Variants in GALNT13 observed in about 807,000 individuals in gnomAD.
GALNT13 encodes the protein UDP-GalNAc:polypeptide N-acetylgalactosaminyltransferase 13.
In GALNT13, 28 loss-of-function variants were observed where a neutral mutation model predicts 64.2. The observed-to-expected ratio is 0.44, with a 90% confidence interval of 0.32 to 0.60. The LOEUF is 0.60. Among genes scored for constraint, GALNT13 ranks in the 20% least tolerant of loss-of-function variants. GALNT13 has a pLI of 0.05. For synonymous variants in GALNT13, 214 were observed against 224.6 expected, an observed-to-expected ratio of 0.95 and a Z score of 0.42; for missense variants, 577 against 669.8, an observed-to-expected ratio of 0.86 and a Z score of 1.53.
chr2:154,249,025 C>T (rs1689931792), intron 7 of GALNT13, among the ~76,000 whole-genome samples: 1 of 152,106 alleles, frequency 6.6e-6, no homozygotes, highest in South Asian at 2.1e-4. Flanking sequence ...CATATCACCC[C>T]TGTATAACTA....
intron 11 of GALNT13, chr2:154,436,179 T>A (rs920966239): frequency 1.3e-4 from 20 of 152,144 alleles, no homozygotes; most frequent in African/African-American, 4.8e-4. Flanking sequence ...CTGTTAATTT[T>A]TTTTCAAGTA....
intron 8 of GALNT13, among the ~76,000 whole-genome samples, chr2:154,280,345 G>A (rs1194438773): frequency 6.6e-6 from 1 of 152,086 alleles, no homozygotes; most frequent in Non-Finnish European, 1.5e-5. Context: ...CCAGAGCCCA[G>A]CATTGTGCTT....
At chr2:153,700,556 C>T in the GALNT13 span, among the ~76,000 whole-genome samples, 1 of 152,158 alleles carries the variant, frequency 6.6e-6, no homozygotes, top group South Asian at 2.1e-4. Flanking sequence ...CAAATTGTCT[C>T]TGTTTACAGA....
At chr2:153,232,915 A>T in the GALNT13 span, among the ~76,000 whole-genome samples, 1 of 152,112 alleles carries the variant, frequency 6.6e-6, no homozygotes, top group African/African-American at 2.4e-5. Context: ...GCTCCCATCC[A>T]TTATGTCTCT....
At chr2:154,360,011 T>C (rs1167731956) in intron 9 of GALNT13, among the ~76,000 whole-genome samples, 2 of 152,248 alleles carry the variant, frequency 1.3e-5, no homozygotes, top group Non-Finnish European at 2.9e-5. Context: ...AAGACAATAT[T>C]ATGTCTAAGA....
At chr2:153,397,110 ATAGT>A in the GALNT13 span, among the ~76,000 whole-genome samples, 2 of 152,284 alleles carry the variant, frequency 1.3e-5, 1 homozygote, top group East Asian at 3.9e-4. Flanking sequence ...CTATAAGTAT[ATAGT>A]TAGTTATATT....
At chr2:154,110,097 A>ATCAGGTTT (rs1702850780) in intron 3 of GALNT13, among the ~76,000 whole-genome samples, 1 of 151,568 alleles carries the variant, frequency 6.6e-6, no homozygotes, top group Non-Finnish European at 1.5e-5. Flanking sequence ...TGAAGGCATC[A>ATCAGGTTT]TCAGGTTTTC....
the GALNT13 span, among the ~76,000 whole-genome samples, chr2:153,083,598 A>G: frequency 6.6e-6 from 1 of 150,772 alleles, no homozygotes; most frequent in South Asian, 2.1e-4. Context: ...TTTTTTTTTC[A>G]TGCTGCTTTG....
chr2:153,107,127 T>C, the GALNT13 span, among the ~76,000 whole-genome samples: 1 of 152,194 alleles, frequency 6.6e-6, no homozygotes, highest in African/African-American at 2.4e-5. Flanking sequence ...GCAATATTTA[T>C]ATCCAGGATT....
At chr2:153,489,472 T>A in the GALNT13 span, among the ~76,000 whole-genome samples, 18 of 152,330 alleles carry the variant, frequency 1.2e-4, 1 homozygote, top group East Asian at 2.3e-3. Flanking sequence ...GTACAAAGAT[T>A]GTTTGGATAG....
chr2:154,340,213 T>G (rs570986338), intron 9 of GALNT13, among the ~76,000 whole-genome samples: 33 of 152,220 alleles, frequency 2.2e-4, no homozygotes, highest in African/African-American at 6.7e-4. Flanking sequence ...TATGTTCTAC[T>G]TGCATCTTCC....
the GALNT13 span, among the ~76,000 whole-genome samples, chr2:153,536,759 G>A: frequency 2.0e-5 from 3 of 152,120 alleles, no homozygotes; most frequent in African/African-American, 7.2e-5. Flanking sequence ...ACATAAACCT[G>A]TAAATCAGAA....
At chr2:153,900,130 T>C (rs1432958603) in intron 1 of GALNT13, among the ~76,000 whole-genome samples, 1 of 151,850 alleles carries the variant, frequency 6.6e-6, no homozygotes, top group African/African-American at 2.4e-5. Context: ...AAGACAGGGT[T>C]TCGCCATGTT....
chr2:153,607,329 C>T, the GALNT13 span, among the ~76,000 whole-genome samples: 1 of 152,092 alleles, frequency 6.6e-6, no homozygotes, highest in Non-Finnish European at 1.5e-5. Context: ...CCATTCTAGG[C>T]ACTTGGTAAA....
chr2:153,849,212 A>C, the GALNT13 span, among the ~76,000 whole-genome samples: 2 of 152,290 alleles, frequency 1.3e-5, no homozygotes, highest in South Asian at 4.1e-4. Context: ...TGCAAAAAAC[A>C]CATTTGAGAA....
intron 8 of GALNT13, among the ~76,000 whole-genome samples, chr2:154,280,150 G>A (rs1691884438): frequency 6.6e-6 from 1 of 152,138 alleles, no homozygotes; most frequent in Admixed American, 6.5e-5. Flanking sequence ...TCACGATGGT[G>A]GGGGTGAGAA....
At chr2:154,110,560 A>C (rs1387498266) in intron 3 of GALNT13, among the ~76,000 whole-genome samples, 2 of 151,498 alleles carry the variant, frequency 1.3e-5, no homozygotes, top group Non-Finnish European at 2.9e-5. Flanking sequence ...AGCACAGGAG[A>C]AATATGTAGG....
intron 4 of GALNT13, among the ~76,000 whole-genome samples, chr2:154,191,502 G>A (rs1262228658): frequency 6.6e-6 from 1 of 152,186 alleles, no homozygotes; most frequent in African/African-American, 2.4e-5. Context: ...GAAATTCAGA[G>A]GGGTAACATT....
chr2:153,397,927 T>A, the GALNT13 span, among the ~76,000 whole-genome samples: 104,024 of 151,466 alleles, frequency 0.69, 36,526 homozygotes, highest in Non-Finnish European at 0.74. Flanking sequence ...TTTAATTTAT[T>A]TTTTATTATT....
Sources: gnomAD v4.1 joint callset for allele counts (sites outside exome capture counted in the v4.1 genomes callset) on GRCh38, gnomAD v4.1.1 for gene constraint, MANE v1.5 for transcripts, NCBI Gene and HGNC (gene_info 2026-07-23, HGNC 2026-07-21) for gene names.